Variants in PSD2 observed in about 807,000 individuals in gnomAD.
PSD2 encodes the protein PH and SEC7 domain-containing protein 2.
PSD2 carries 38 observed loss-of-function variants against 69.8 expected under a neutral mutation model. The observed-to-expected ratio is 0.54, with a 90% CI of 0.42 to 0.71. PSD2 has a LOEUF of 0.71. Among genes scored for constraint, PSD2 ranks in the 30% least tolerant of loss-of-function variants. PSD2 has a pLI of 0.00. For missense variants in PSD2, 943 were observed against 1,014.5 expected, an observed-to-expected ratio of 0.93 and a Z score of 0.96; for synonymous variants, 412 against 423.0, an observed-to-expected ratio of 0.97 and a Z score of 0.32.
the PSD2 span, among the ~76,000 whole-genome samples, chr5:139,747,239 C>T: frequency 6.6e-6 from 1 of 152,028 alleles, no homozygotes; most frequent in African/African-American, 2.4e-5. The surrounding 1 kb of genome is among the most constrained non-coding windows in gnomAD (Gnocchi z 6.7). Context: ...CTCTTGTCTC[C>T]CCCCCTTCAG....
At chr5:139,784,295 G>A in the PSD2 span, among the ~76,000 whole-genome samples, 3 of 151,824 alleles carry the variant, frequency 2.0e-5, no homozygotes, top group Admixed American at 1.3e-4. Flanking sequence ...CCTGTGACAC[G>A]GCCCTCCCCG....
the PSD2 span, among the ~76,000 whole-genome samples, chr5:139,770,120 G>A: frequency 3.3e-5 from 5 of 152,178 alleles, no homozygotes; most frequent in Non-Finnish European, 5.9e-5. Context: ...ACATGTGGGG[G>A]CTCAGCAAGA....
At chr5:139,788,666 A>G in the PSD2 span, among the ~76,000 whole-genome samples, 1 of 152,088 alleles carries the variant, frequency 6.6e-6, no homozygotes, top group African/African-American at 2.4e-5. Flanking sequence ...AGGCCCACAA[A>G]GGCCCTTAGA....
chr5:139,809,817 T>C lies in PSD2; in HGVS notation c.371+6T>C, dbSNP rs1164425825. 6.2e-7 allele frequency: 1 copy of C among 1,613,240 alleles called. No individual in the cohort carries two copies. The highest frequency in any genetic ancestry group is 1.3e-5 in the African/African-American group (1 of 74,790). On this transcript the variant is annotated splice_donor_region_variant and intron_variant, in intron 2 of 14. Transcript: ENST00000274710. ...GCTGAGGACCCTCAGCTGGGGTGAGTGGATGTCTTGGGATGGGAGCTCACC... is the reference window on the plus strand; with the variant it reads ...GCTGAGGACCCTCAGCTGGGGTGAGCGGATGTCTTGGGATGGGAGCTCACC...
At chr5:139,840,250 A>C (rs1760841795) in intron 14 of PSD2, 80 bp downstream of exon 14, 1 of 1,506,866 alleles carries the variant, frequency 6.6e-7, no homozygotes, top group Non-Finnish European at 9.1e-7. Flanking sequence ...GGGACTGGGG[A>C]GGTGAAGCCT....
rs550828263 is a variant in PSD2, at chr5:139,839,256, T to G, written c.1968+484T>G. Among the ~76,000 whole-genome samples, 2 of 152,346 alleles carry G rather than the reference T, an allele frequency of 1.3e-5. No individual in the cohort carries two copies. Among genetic ancestry groups the G allele is most frequent in the East Asian group, 1.9e-4 (1 of 5,192 alleles). On this transcript the variant is annotated intron_variant, in intron 13 of 14. Coordinates refer to ENST00000274710, the MANE Select transcript of PSD2 (RefSeq NM_032289.4). The surrounding 1 kb of genome is among the most constrained non-coding windows in gnomAD (Gnocchi z 5.1). Reference sequence around the variant, plus strand: ...ACAGGAGAAATGGTGGCCCGGAGCTTGAGAGGTAGAGGGCAGCGGAAGCCC... The same window carrying G: ...ACAGGAGAAATGGTGGCCCGGAGCTGGAGAGGTAGAGGGCAGCGGAAGCCC...
At chr5:139,782,563 G>A in the PSD2 span, among the ~76,000 whole-genome samples, 3 of 147,384 alleles carry the variant, frequency 2.0e-5, no homozygotes, top group African/African-American at 7.6e-5. Flanking sequence ...CGTGATCTGC[G>A]CTCACTGCAA....
intron 1 of PSD2, among the ~76,000 whole-genome samples, chr5:139,800,691 G>C (rs1346298217): frequency 6.6e-6 from 1 of 152,172 alleles, no homozygotes; most frequent in South Asian, 2.1e-4. Flanking sequence ...CACACTCACT[G>C]TCTGCCAGCG....
chr5:139,838,662 A>T lies in PSD2; in HGVS notation c.1858A>T (p.Ile620Phe), dbSNP rs747694241. 1 of 1,613,914 alleles carries T rather than the reference A, an allele frequency of 6.2e-7. No homozygotes were observed. The highest frequency in any genetic ancestry group is 8.5e-7 in the Non-Finnish European group (1 of 1,179,900). The change falls in exon 13 of 15, where the codon ATC becomes TTC. Residue 620 changes from isoleucine to phenylalanine, a missense_variant. By Grantham distance (21) the Ile-to-Phe change is conservative (BLOSUM62 0). Coordinates refer to ENST00000274710, the MANE Select transcript of PSD2 (RefSeq NM_032289.4). ...KEEMLSWILR[I>F]NLVAAIFSAP... ...AGAAATGCTGTCCTGGATCCTCAGGATCAACCTGGTGGCAGCCATCTTCTC... is the reference window on the plus strand; with the variant it reads ...AGAAATGCTGTCCTGGATCCTCAGGTTCAACCTGGTGGCAGCCATCTTCTC...
At chr5:139,768,483 G>A in the PSD2 span, among the ~76,000 whole-genome samples, 1 of 152,206 alleles carries the variant, frequency 6.6e-6, no homozygotes, top group South Asian at 2.1e-4. Flanking sequence ...AGCACTTTGG[G>A]AGGCCGAGGT....
chr5:139,743,502 C>G, the PSD2 span, among the ~76,000 whole-genome samples: 2 of 152,076 alleles, frequency 1.3e-5, no homozygotes, highest in Non-Finnish European at 2.9e-5. Context: ...CTGAGTTTGC[C>G]TTTGTATCTG....
At chr5:139,749,202 C>A in the PSD2 span, among the ~76,000 whole-genome samples, 4 of 152,304 alleles carry the variant, frequency 2.6e-5, no homozygotes, top group South Asian at 8.3e-4. Context: ...TGCCCTCTAC[C>A]CACCACTCTG....
chr5:139,843,481 A>G lies in PSD2; in HGVS notation c.*1007A>G, dbSNP rs548010183. On this transcript the variant is annotated 3_prime_UTR_variant, in exon 15 of 15. Coordinates refer to ENST00000274710, the MANE Select transcript of PSD2 (RefSeq NM_032289.4). ...TTTGGGTCTTTATGTTGGTGCTGCC[A>G]GGTCTCTGAGCTCCAGAGGTGGCCT... 6.6e-6 allele frequency: 1 copy of G among 152,368 alleles called. No individual in the cohort carries two copies. Among genetic ancestry groups the G allele is most frequent in the Non-Finnish European group, 1.5e-5 (1 of 68,042 alleles). The allele number at this position is 152,368 out of a possible 1,614,324, so 9.4% of individuals were successfully genotyped here. A position where few individuals can be genotyped will look rare whatever the true frequency, so the allele number is the denominator to read the frequency against.
chr5:139,813,496 C>A lies in PSD2; in HGVS notation c.559C>A (p.Arg187=), dbSNP rs151135546. ...CCCCCTCACACCCCTCATCCAGCAG[C>A]GGGCCCGTGACAGCCCTGAGCCAGG... ...EAPLTPLIQQ[R]ARDSPEPGAG... is the part of the protein sequence containing the mutation. Residue 187 remains arginine (R), a synonymous_variant, in exon 3 of 15, where the codon CGG becomes AGG. Transcript: ENST00000274710. 10 of 1,613,024 alleles carry A rather than the reference C, an allele frequency of 6.2e-6. No homozygotes were observed. The highest frequency in any genetic ancestry group is 7.6e-6 in the Non-Finnish European group (9 of 1,179,356).
intron 1 of PSD2, among the ~76,000 whole-genome samples, chr5:139,798,001 G>A (rs1404421580): frequency 1.3e-5 from 2 of 151,192 alleles, no homozygotes; most frequent in Non-Finnish European, 3.0e-5. Context: ...CATTCCGGAC[G>A]TTGGCTTGCA....
chr5:139,787,638 C>G, the PSD2 span, among the ~76,000 whole-genome samples: 1 of 152,206 alleles, frequency 6.6e-6, no homozygotes, highest in African/African-American at 2.4e-5. Context: ...GCAGGTGGCG[C>G]CCCGACCCCA....
the PSD2 span, among the ~76,000 whole-genome samples, chr5:139,773,444 A>G: frequency 6.6e-6 from 1 of 151,914 alleles, no homozygotes; most frequent in African/African-American, 2.4e-5. Context: ...ATTTTTTTCT[A>G]GAGACAGAGT....
chr5:139,778,477 A>G, the PSD2 span, among the ~76,000 whole-genome samples: 234 of 152,356 alleles, frequency 1.5e-3, 1 homozygote, highest in African/African-American at 5.4e-3. Flanking sequence ...TAATGACATA[A>G]TACTCCAGTG....
At position 139,821,989 on chromosome 5, in the gene PSD2, T is replaced by G. The variant is rs1760272801; in HGVS notation, c.1194T>G (p.Asp398Glu). ...GCCGGTACTGCCAGTGCAACCCTGA[T>G]GACAGCACTTCGGAAGGTATGGCCC... is the stretch of plus-strand genomic sequence containing the variant. ...FSRRYCQCNP[D>E]DSTSEDGIHT... Residue 398 changes from aspartate to glutamate, a missense_variant, in exon 6 of 15, where the codon GAT becomes GAG. Coordinates refer to ENST00000274710, the MANE Select transcript of PSD2 (RefSeq NM_032289.4). 1 of 1,605,826 alleles carries G rather than the reference T, an allele frequency of 6.2e-7. No individual in the cohort carries two copies. The highest frequency in any genetic ancestry group is 1.1e-5 in the South Asian group (1 of 89,796).
Sources: allele counts gnomAD v4.1 joint callset (sites outside exome capture counted in the v4.1 genomes callset), GRCh38; gene constraint gnomAD v4.1.1; non-coding constraint Gnocchi (gnomAD v3.1); transcripts MANE v1.5; gene names NCBI Gene and HGNC (gene_info 2026-07-23, HGNC 2026-07-21).